The following RTTN variants were observed in gnomAD, a reference collection of about 807,000 sequenced individuals.
RTTN encodes the protein rotatin.
RTTN carries 182 observed loss-of-function variants against 269.2 expected under a neutral mutation model. That is an observed-to-expected ratio of 0.68 (90% CI 0.60 to 0.76). RTTN has a LOEUF of 0.76. Among genes scored for constraint, RTTN ranks in the 30% least tolerant of loss-of-function variants. The pLI, the probability that RTTN is intolerant of heterozygous loss-of-function variation, is 0.00. For synonymous variants in RTTN, 1,006 were observed against 963.5 expected, an observed-to-expected ratio of 1.04 and a Z score of -0.82; for missense variants, 2,545 against 2,608.6, an observed-to-expected ratio of 0.98 and a Z score of 0.53.
intron 44 of RTTN, among the ~76,000 whole-genome samples, chr18:70,024,298 C>T (rs1272197665): frequency 3.9e-5 from 6 of 152,138 alleles, no homozygotes; most frequent in African/African-American, 1.2e-4. Flanking sequence ...AGTGCATGAG[C>T]GAAAGAGGAG....
At position 70,121,613 on chromosome 18, in the gene RTTN, T is replaced by C; in HGVS notation, c.3471A>G (p.Gln1157=). 3 of 1,584,024 alleles carry C rather than the reference T, an allele frequency of 1.9e-6. No individual in the cohort carries two copies. The highest frequency in any genetic ancestry group is 2.6e-6 in the Non-Finnish European group (3 of 1,171,206). ...IHFLNKLIKE[Q]RKNSSLELLN... ...GAAGTTCTAGTGAAGAATTTTTTCT[T>C]TGTTCCTTTATTAATTTATTTAAAA... Residue 1157 remains glutamine (Q), a synonymous_variant, in exon 26 of 49, where the codon CAA becomes CAG. Coordinates refer to ENST00000640769, the MANE Select transcript of RTTN (RefSeq NM_173630.4).
At chr18:70,076,044 T>G (rs1162521628) in intron 32 of RTTN, among the ~76,000 whole-genome samples, 1 of 152,014 alleles carries the variant, frequency 6.6e-6, no homozygotes, top group Non-Finnish European at 1.5e-5. Context: ...GAATTAATCC[T>G]GACAAGGAAA....
At chr18:70,080,055 A>C (rs1215017651) in intron 32 of RTTN, among the ~76,000 whole-genome samples, 1 of 152,156 alleles carries the variant, frequency 6.6e-6, no homozygotes, top group African/African-American at 2.4e-5. Flanking sequence ...ATATCATTAC[A>C]ATGATATCAG....
chr18:70,083,765 G>T (rs1310415248), intron 32 of RTTN, among the ~76,000 whole-genome samples: 2 of 152,102 alleles, frequency 1.3e-5, no homozygotes, highest in Non-Finnish European at 1.5e-5. Context: ...TGGAAAAAGT[G>T]CAACCATGAA....
At chr18:70,006,664 A>G (rs924467203) in intron 46 of RTTN, 180 bp from the exon 47 acceptor site, 4 of 574,014 alleles carry the variant, frequency 7.0e-6, no homozygotes, top group African/African-American at 5.6e-5. Flanking sequence ...CAACCTCAAA[A>G]CATTGTTTTC....
intron 45 of RTTN, among the ~76,000 whole-genome samples, chr18:70,018,297 C>T (rs1317924025): frequency 6.6e-6 from 1 of 151,986 alleles, no homozygotes; most frequent in East Asian, 1.9e-4. Flanking sequence ...CAAATAAAGC[C>T]CCTTCCAAAA....
At chr18:70,007,055 T>A (rs2056214116) in intron 46 of RTTN, 1 of 152,400 alleles carries the variant, frequency 6.6e-6, no homozygotes, top group Non-Finnish European at 1.5e-5. Flanking sequence ...CCAACTGAGG[T>A]ACCCAGCTCA....
At chr18:70,199,635 A>G in intron 4 of RTTN, 131 bp from the exon 5 acceptor site, 1 of 588,010 alleles carries the variant, frequency 1.7e-6, no homozygotes, top group Non-Finnish European at 3.0e-6. Flanking sequence ...CCTAAAATAT[A>G]CCAAACAAGG....
chr18:70,197,754 T>C lies in RTTN; in HGVS notation c.579-16A>G. ...TCTTAAAGAGCTACAAAACATAGCG[T>C]TAATCATTTTTAAGAAGAGTTCATC... On this transcript the variant is annotated splice_polypyrimidine_tract_variant and intron_variant, in intron 5 of 48. Transcript: ENST00000640769. 6.2e-6 allele frequency: 9 copies of C among 1,447,010 alleles called. No individual in the cohort carries two copies. The highest frequency in any genetic ancestry group is 8.7e-6 in the Non-Finnish European group (9 of 1,028,580). The allele number at this position is 1,447,010 out of a possible 1,614,324, so 89.6% of individuals were successfully genotyped here.
intron 11 of RTTN, among the ~76,000 whole-genome samples, chr18:70,175,833 T>C (rs1287517452): frequency 6.6e-6 from 1 of 152,106 alleles, no homozygotes; most frequent in South Asian, 2.1e-4. Context: ...ATGCTAACTA[T>C]AAAATAATTT....
rs775281715 is a variant in RTTN at position 70,150,635 on chromosome 18, T to C, written c.2028A>G (p.Val676=). 6.2e-6 allele frequency: 10 copies of C among 1,612,466 alleles called. No individual in the cohort carries two copies. The highest frequency in any genetic ancestry group is 8.5e-6 in the Non-Finnish European group (10 of 1,178,954). ...CACTTTCGGGCTCTTGAATGCCAAA[T>C]ACAGAGATTTCATACAGAACTTTTG... ...LHPKVLYEIS[V]FGIQEPESEV... The change falls in exon 15 of 49, where the codon GTA becomes GTG. Residue 676 remains valine (V), a synonymous_variant. Coordinates refer to ENST00000640769, the MANE Select transcript of RTTN (RefSeq NM_173630.4).
intron 43 of RTTN, among the ~76,000 whole-genome samples, chr18:70,025,310 A>C (rs2056823111): frequency 6.6e-6 from 1 of 152,140 alleles, no homozygotes; most frequent in Non-Finnish European, 1.5e-5. Context: ...TTTTTGAGTA[A>C]TTTGAATATA....
intron 32 of RTTN, among the ~76,000 whole-genome samples, chr18:70,084,888 A>G (rs2058662822): frequency 6.6e-6 from 1 of 152,204 alleles, no homozygotes; most frequent in South Asian, 2.1e-4. Flanking sequence ...AAAACCAATA[A>G]ACTGCAGTAA....
At chr18:70,189,755 C>T (rs981812378) in intron 9 of RTTN, among the ~76,000 whole-genome samples, 3 of 152,086 alleles carry the variant, frequency 2.0e-5, no homozygotes, top group African/African-American at 4.8e-5. Flanking sequence ...GAAAAATACA[C>T]GAAATAATGC....
chr18:70,191,775 G>A (rs1244183128), intron 8 of RTTN, among the ~76,000 whole-genome samples: 2 of 152,110 alleles, frequency 1.3e-5, no homozygotes, highest in Non-Finnish European at 1.5e-5. Context: ...AACCAACTTT[G>A]TCGTTTCTTC....
chr18:70,162,522 C>T (rs186749321), intron 14 of RTTN, among the ~76,000 whole-genome samples: 8 of 152,142 alleles, frequency 5.3e-5, no homozygotes, highest in South Asian at 2.1e-4. Flanking sequence ...CTTCACAGGG[C>T]GGCAGGAGAG....
At chr18:70,081,196 G>T (rs2058558481) in intron 32 of RTTN, among the ~76,000 whole-genome samples, 1 of 152,068 alleles carries the variant, frequency 6.6e-6, no homozygotes, top group Non-Finnish European at 1.5e-5. Context: ...AGGGGTGAGG[G>T]ATAAAAGATA....
chr18:70,075,506 C>T lies in RTTN; in HGVS notation c.4410G>A (p.Ser1470=), dbSNP rs752694402. 2.9e-5 allele frequency: 46 copies of T among 1,596,542 alleles called. No homozygotes were observed. Among genetic ancestry groups the T allele is most frequent in the Admixed American group, 7.0e-5 (4 of 56,838 alleles). Reference sequence around the variant, plus strand: ...CCTGAAGGGCAGGTTTTCCAATGAGCGATAGGCCAGAGTCCTCATCATGAA... The same window carrying T: ...CCTGAAGGGCAGGTTTTCCAATGAGTGATAGGCCAGAGTCCTCATCATGAA... ...PCVHDEDSGL[S]LIGKPALQAL... The change falls in exon 33 of 49, where the codon TCG becomes TCA. Residue 1470 remains serine (S), a synonymous_variant. Transcript: ENST00000640769.
chr18:70,054,101 T>G (rs1413240265), intron 38 of RTTN, 30 bp downstream of exon 38: 1 of 1,578,260 alleles, frequency 6.3e-7, no homozygotes, highest in African/African-American at 1.3e-5. Context: ...ATTATTCACT[T>G]ACATTCTAAA....
Sources: gnomAD v4.1 joint callset for allele counts (sites outside exome capture counted in the v4.1 genomes callset) on GRCh38, gnomAD v4.1.1 for gene constraint, MANE v1.5 for transcripts, NCBI Gene and HGNC (gene_info 2026-07-23, HGNC 2026-07-21) for gene names.